Variants in SVOPL observed in about 807,000 individuals in gnomAD.
SVOPL encodes the protein SVOP like.
A neutral mutation model predicts 61.0 loss-of-function variants in SVOPL; 60 were observed. That is an observed-to-expected ratio of 0.98 (90% confidence interval 0.80 to 1.22). The LOEUF is 1.22. SVOPL is among the 50% of genes most tolerant of loss of function. SVOPL has a pLI of 0.00. For synonymous variants in SVOPL, 279 were observed against 250.0 expected, an observed-to-expected ratio of 1.12 and a Z score of -1.09; for missense variants, 662 against 643.9, an observed-to-expected ratio of 1.03 and a Z score of -0.30.
At chr7:138,686,864 T>A (rs1802829532) in intron 1 of SVOPL, among the ~76,000 whole-genome samples, 1 of 152,076 alleles carries the variant, frequency 6.6e-6, no homozygotes, top group Non-Finnish European at 1.5e-5. Context: ...GCACCTGGCC[T>A]AGTTTTTAAT....
At chr7:138,624,485 C>G (rs950703018) in intron 13 of SVOPL, among the ~76,000 whole-genome samples, 1 of 152,080 alleles carries the variant, frequency 6.6e-6, no homozygotes, top group South Asian at 2.1e-4. Flanking sequence ...CATTCCTAAG[C>G]TATCACAGCT....
intron 1 of SVOPL, among the ~76,000 whole-genome samples, chr7:138,685,046 C>T (rs1802776709): frequency 6.6e-6 from 1 of 151,842 alleles, no homozygotes; most frequent in African/African-American, 2.4e-5. Context: ...GATTCTCCTG[C>T]CTCAGCCTCC....
intron 6 of SVOPL, among the ~76,000 whole-genome samples, chr7:138,658,842 T>G (rs1180030908): frequency 6.6e-6 from 1 of 152,146 alleles, no homozygotes; most frequent in East Asian, 1.9e-4. Context: ...TTATTAATGC[T>G]GTAAACTAGA....
At chr7:138,621,185 C>T in intron 13 of SVOPL, 50 bp from the exon 14 acceptor site, 1 of 1,528,264 alleles carries the variant, frequency 6.5e-7, no homozygotes, top group Non-Finnish European at 8.9e-7. Flanking sequence ...CCGTCCTTCC[C>T]CGAGCCCTCC....
intron 9 of SVOPL, among the ~76,000 whole-genome samples, chr7:138,633,409 T>C (rs1305162228): frequency 6.6e-6 from 1 of 152,158 alleles, no homozygotes; most frequent in East Asian, 1.9e-4. Flanking sequence ...TACCAGTTCA[T>C]GTGACAGCTG....
intron 1 of SVOPL, among the ~76,000 whole-genome samples, chr7:138,691,707 AT>A: frequency 6.7e-6 from 1 of 148,822 alleles, no homozygotes; most frequent in East Asian, 2.0e-4. Flanking sequence ...CACCCAGCTA[AT>A]TTTTGTATTT....
chr7:138,693,593 AAAGG>A (rs1563140891), intron 1 of SVOPL, among the ~76,000 whole-genome samples: 2 of 149,658 alleles, frequency 1.3e-5, no homozygotes, highest in African/African-American at 4.9e-5. Context: ...AAGAAAGAAA[AAAGG>A]AAAGAAAGAA....
chr7:138,615,473 C>T (rs992331987), intron 14 of SVOPL, among the ~76,000 whole-genome samples: 7 of 147,008 alleles, frequency 4.8e-5, no homozygotes, highest in South Asian at 4.3e-4. Flanking sequence ...AGGAGAATGG[C>T]GTGAATCAGG....
At chr7:138,631,166 G>C (rs1203731835) in intron 9 of SVOPL, among the ~76,000 whole-genome samples, 1 of 152,124 alleles carries the variant, frequency 6.6e-6, no homozygotes, top group African/African-American at 2.4e-5. Flanking sequence ...AGAGTTTGAA[G>C]GGAACTTAGA....
At chr7:138,597,308 T>A in intron 14 of SVOPL, 1 of 1,109,540 alleles carries the variant, frequency 9.0e-7, no homozygotes, top group Non-Finnish European at 1.2e-6. Flanking sequence ...TCTGGCTGAA[T>A]ACAATTTCTT....
At chr7:138,602,993 G>A (rs1419377093) in intron 14 of SVOPL, among the ~76,000 whole-genome samples, 1 of 151,918 alleles carries the variant, frequency 6.6e-6, no homozygotes, top group Admixed American at 6.6e-5. Flanking sequence ...TCTATCTACA[G>A]ATACACATGC....
intron 9 of SVOPL, among the ~76,000 whole-genome samples, chr7:138,635,004 C>T (rs903778266): frequency 6.6e-6 from 1 of 152,106 alleles, no homozygotes; most frequent in African/African-American, 2.4e-5. Context: ...CGCAGTGGCT[C>T]ATGCCTGTAA....
intron 1 of SVOPL, among the ~76,000 whole-genome samples, chr7:138,695,286 C>T (rs114118375): frequency 1.1e-3 from 170 of 152,198 alleles, no homozygotes; most frequent in African/African-American, 3.5e-3. Flanking sequence ...CCGAGGTGGG[C>T]GGATTGCTTG....
Position 138,628,231 on chromosome 7 carries a change from G to T in SVOPL, c.996C>A (p.Ser332Arg), listed in dbSNP as rs770914376. The T allele has an allele frequency of 1.2e-6, 2 of 1,614,170 alleles. No homozygotes were observed. Among genetic ancestry groups the T allele is most frequent in the Admixed American group, 1.7e-5 (1 of 60,024 alleles). The change falls in exon 11 of 16, where the codon AGC (serine) becomes AGA (arginine). Residue 332 changes from serine to arginine, a missense_variant. Transcript: ENST00000674285. ...GTGCAAACATGTGGCAGTAGCAGGGGCTCTGGCTCTCCCCTGAGTCCCCCC... is the reference window on the plus strand; with the variant it reads ...GTGCAAACATGTGGCAGTAGCAGGGTCTCTGGCTCTCCCCTGAGTCCCCCC... ...VTGGDSGESQSPCYCHMFAPS... is the reference protein window; with the variant it reads ...VTGGDSGESQRPCYCHMFAPS...
chr7:138,596,445 G>T lies in SVOPL; in HGVS notation c.1439C>A (p.Pro480His). Residue 480 changes from proline (P) to histidine (H), a missense_variant, in exon 15 of 16, where the codon CCC becomes CAC. Physicochemically the swap from Pro to His is moderately conservative, Grantham distance 77. Coordinates refer to ENST00000674285, the MANE Select transcript of SVOPL (RefSeq NM_001139456.2). ...VVCAISAFTL[P>H]IETKGRALQQ... Reference sequence around the variant, plus strand: ...GAGGGCCCGTCCTTTGGTTTCGATGGGGAGAGTGAATGCAGAAATGGCGCA... The same window carrying T: ...GAGGGCCCGTCCTTTGGTTTCGATGTGGAGAGTGAATGCAGAAATGGCGCA... 1 of 1,613,914 alleles carries T rather than the reference G, an allele frequency of 6.2e-7. No homozygotes were observed. Among genetic ancestry groups the T allele is most frequent in the Non-Finnish European group, 8.5e-7 (1 of 1,179,926 alleles).
intron 10 of SVOPL, 82 bp from the exon 11 acceptor site, chr7:138,628,445 G>T (rs549091340): frequency 2.9e-6 from 4 of 1,394,010 alleles, no homozygotes; most frequent in East Asian, 4.7e-5. Context: ...CAAGTGGAAC[G>T]TGTAGCATGT....
chr7:138,633,536 A>T (rs1427065142), intron 9 of SVOPL, among the ~76,000 whole-genome samples: 1 of 152,194 alleles, frequency 6.6e-6, no homozygotes, highest in Non-Finnish European at 1.5e-5. Flanking sequence ...AGCCACGCAG[A>T]TGCTGGTGCC....
At chr7:138,643,476 C>T (rs1286770818) in intron 9 of SVOPL, among the ~76,000 whole-genome samples, 2 of 151,558 alleles carry the variant, frequency 1.3e-5, no homozygotes, top group Non-Finnish European at 2.9e-5. Context: ...CCTGGTCACC[C>T]GTGTTCATAG....
chr7:138,652,860 A>G (rs1056876022), intron 7 of SVOPL, among the ~76,000 whole-genome samples: 11 of 152,154 alleles, frequency 7.2e-5, no homozygotes, highest in Non-Finnish European at 1.2e-4. Context: ...CCCTGACCTC[A>G]GGTGATCCTC....
Sources: gnomAD v4.1 joint callset for allele counts (sites outside exome capture counted in the v4.1 genomes callset) on GRCh38, gnomAD v4.1.1 for gene constraint, MANE v1.5 for transcripts, NCBI Gene and HGNC (gene_info 2026-07-23, HGNC 2026-07-21) for gene names.